Variants in TENM2 observed in about 807,000 individuals in gnomAD.
The protein encoded by TENM2 is teneurin transmembrane protein 2, also known as teneurin-2.
In TENM2, 52 loss-of-function variants were observed where a neutral mutation model predicts 245.2. The observed-to-expected ratio is 0.21, with a 90% CI of 0.17 to 0.27. The LOEUF (loss-of-function observed/expected upper bound fraction) is 0.27. Among genes scored for constraint, TENM2 ranks in the 10% least tolerant of loss-of-function variants. The pLI is 1.00. For synonymous variants in TENM2, 1,363 were observed against 1,438.9 expected, an observed-to-expected ratio of 0.95 and a Z score of 1.19; for missense variants, 3,046 against 3,666.8, an observed-to-expected ratio of 0.83 and a Z score of 4.37.
chr5:167,198,183 C>A, the TENM2 span, among the ~76,000 whole-genome samples: 1 of 151,980 alleles, frequency 6.6e-6, no homozygotes, highest in African/African-American at 2.4e-5. Context: ...GCAAAGGGGC[C>A]AGTCACTCCT....
intron 5 of TENM2, among the ~76,000 whole-genome samples, chr5:168,017,112 T>C (rs1282065929): frequency 6.6e-6 from 1 of 152,196 alleles, no homozygotes; most frequent in Non-Finnish European, 1.5e-5. Context: ...TCCTTTGTAC[T>C]GAGTCAGCTA....
At chr5:167,069,611 G>A in the TENM2 span, among the ~76,000 whole-genome samples, 1 of 152,098 alleles carries the variant, frequency 6.6e-6, no homozygotes, top group Non-Finnish European at 1.5e-5. Flanking sequence ...TCAATGTATA[G>A]CATTGTCCTA....
At chr5:168,041,177 T>C (rs1193555788) in intron 5 of TENM2, among the ~76,000 whole-genome samples, 1 of 152,194 alleles carries the variant, frequency 6.6e-6, no homozygotes, top group East Asian at 1.9e-4. Flanking sequence ...GACTCTGAAG[T>C]TGCATGTGTC....
At chr5:167,111,674 TTC>T in the TENM2 span, among the ~76,000 whole-genome samples, 675 of 152,316 alleles carry the variant, frequency 4.4e-3, 3 homozygotes, top group African/African-American at 0.016. Context: ...TGTACTTTAG[TTC>T]TGTCTCTTTA....
At chr5:167,721,282 G>GA (rs1759611182) in intron 2 of TENM2, 1 of 151,950 alleles carries the variant, frequency 6.6e-6, no homozygotes, top group African/African-American at 2.4e-5. Flanking sequence ...ATTTTTTGGA[G>GA]TGGTTTAATT....
At chr5:168,144,352 C>T (rs1755850840) in intron 12 of TENM2, among the ~76,000 whole-genome samples, 1 of 151,822 alleles carries the variant, frequency 6.6e-6, no homozygotes, top group Admixed American at 6.6e-5. Flanking sequence ...CACAACAGTC[C>T]CCAAAGTGTG....
intron 5 of TENM2, among the ~76,000 whole-genome samples, chr5:168,042,106 C>G (rs2152013246): frequency 6.6e-6 from 1 of 152,288 alleles, no homozygotes; most frequent in East Asian, 1.9e-4. Context: ...CTAACCCTTT[C>G]TGTCATCCTA....
chr5:167,891,354 C>T (rs1384975522), intron 3 of TENM2, among the ~76,000 whole-genome samples: 3 of 152,180 alleles, frequency 2.0e-5, no homozygotes, highest in African/African-American at 7.2e-5. Flanking sequence ...CCACTCACTG[C>T]AGCCTCAGCC....
chr5:167,099,043 A>G, the TENM2 span, among the ~76,000 whole-genome samples: 1 of 152,218 alleles, frequency 6.6e-6, no homozygotes, highest in Non-Finnish European at 1.5e-5. Context: ...ATTGCCACAA[A>G]ATATGTAGTT....
intron 2 of TENM2, among the ~76,000 whole-genome samples, chr5:167,473,193 G>T (rs1004443924): frequency 2.6e-5 from 4 of 152,190 alleles, no homozygotes; most frequent in East Asian, 1.9e-4. Context: ...GCTTATCATT[G>T]TGAGCATAAC....
At chr5:168,261,574 A>G (rs570386166) in intron 28 of TENM2, among the ~76,000 whole-genome samples, 1 of 152,346 alleles carries the variant, frequency 6.6e-6, no homozygotes, top group South Asian at 2.1e-4. Context: ...TATCCAAGTC[A>G]TTGGCCTCCA....
At chr5:167,445,779 C>G (rs747066266) in intron 2 of TENM2, among the ~76,000 whole-genome samples, 40 of 152,152 alleles carry the variant, frequency 2.6e-4, no homozygotes, top group Non-Finnish European at 2.4e-4. Flanking sequence ...TGGGACATCC[C>G]TCACTCAATG....
At chr5:167,051,476 C>A in the TENM2 span, among the ~76,000 whole-genome samples, 153 of 151,446 alleles carry the variant, frequency 1.0e-3, no homozygotes, top group Non-Finnish European at 1.8e-3. Flanking sequence ...ACTAAGACAT[C>A]AGATTGAATC....
At chr5:167,677,472 C>A (rs1288259924) in intron 2 of TENM2, among the ~76,000 whole-genome samples, 7 of 151,312 alleles carry the variant, frequency 4.6e-5, no homozygotes, top group African/African-American at 1.7e-4. Flanking sequence ...GTAGGCAAAT[C>A]AGAGCAAAAG....
intron 9 of TENM2, among the ~76,000 whole-genome samples, chr5:168,102,019 G>A (rs1166548282): frequency 2.6e-5 from 4 of 151,858 alleles, no homozygotes; most frequent in African/African-American, 4.8e-5. Flanking sequence ...GTTTCTTCAA[G>A]TCAATTCATT....
At chr5:167,818,450 A>T (rs1485133964) in intron 2 of TENM2, among the ~76,000 whole-genome samples, 1 of 152,216 alleles carries the variant, frequency 6.6e-6, no homozygotes, top group African/African-American at 2.4e-5. Flanking sequence ...AGCTCATAAG[A>T]TGCTAAGCAC....
At chr5:167,640,278 A>G (rs867711814) in intron 2 of TENM2, among the ~76,000 whole-genome samples, 1 of 152,182 alleles carries the variant, frequency 6.6e-6, no homozygotes, top group Non-Finnish European at 1.5e-5. Context: ...GCTGTGCCCC[A>G]CCAGGCAAGT....
the TENM2 span, among the ~76,000 whole-genome samples, chr5:167,016,407 G>C: frequency 6.6e-6 from 1 of 151,338 alleles, no homozygotes. Flanking sequence ...TTAATTTCTG[G>C]TTTTGAGTGT....
chr5:167,938,329 G>T (rs761853271), intron 3 of TENM2, among the ~76,000 whole-genome samples: 62 of 152,332 alleles, frequency 4.1e-4, no homozygotes, highest in Non-Finnish European at 7.6e-4. Flanking sequence ...GGGGTGAGGA[G>T]AGGGGAAAGG....
Sources: gnomAD v4.1 joint callset for allele counts (sites outside exome capture counted in the v4.1 genomes callset) on GRCh38, gnomAD v4.1.1 for gene constraint, MANE v1.5 for transcripts, NCBI Gene and HGNC (gene_info 2026-07-23, HGNC 2026-07-21) for gene names.